Variants in ARHGAP45 observed in about 807,000 individuals in gnomAD.
ARHGAP45 encodes Rho GTPase activating protein 45.
ARHGAP45 carries 56 observed loss-of-function variants against 116.1 expected under a neutral mutation model. The observed-to-expected ratio is 0.48, with a 90% CI of 0.39 to 0.60. ARHGAP45 has a LOEUF of 0.60. ARHGAP45 is among the 20% of genes least tolerant of loss of function. The pLI is 0.00. For synonymous variants in ARHGAP45, 866 were observed against 701.7 expected, an observed-to-expected ratio of 1.23 and a Z score of -3.70; for missense variants, 1,622 against 1,601.0, an observed-to-expected ratio of 1.01 and a Z score of -0.22.
rs772004071 is a variant in ARHGAP45 at position 1,085,852 on chromosome 19, G to GGGACGGGGACGA, written c.3264_3275dup (p.Asp1089_Gly1092dup). 11 of 1,611,976 alleles carry GGGACGGGGACGA rather than the reference G, an allele frequency of 6.8e-6. No individual in the cohort carries two copies. The highest frequency in any genetic ancestry group is 9.3e-6 in the Non-Finnish European group (11 of 1,179,444). On this transcript the variant is annotated inframe_insertion, in exon 23 of 23. Coordinates refer to ENST00000313093, the MANE Select transcript of ARHGAP45 (RefSeq NM_012292.5). Reference sequence around the variant, plus strand: ...CTGGAGGCCACAGCCCGGGAGGACGGGGACGGGGACGAGGACGGCCCGGCC... The same window carrying GGGACGGGGACGA: ...CTGGAGGCCACAGCCCGGGAGGACGGGGACGGGGACGAGGACGGGGACGAGGACGGCCCGGCC...
chr19:1,073,823 G>A, intron 5 of ARHGAP45, 77 bp downstream of exon 5: 1 of 1,535,160 alleles, frequency 6.5e-7, no homozygotes, highest in East Asian at 2.4e-5. Flanking sequence ...GGCCCAGACA[G>A]TCACCCTGCT....
At chr19:1,067,069 C>G (rs867861319), upstream of ARHGAP45, 1 of 694,214 alleles carries the variant, frequency 1.4e-6, no homozygotes, top group Non-Finnish European at 1.8e-6. Flanking sequence ...GGCTCCCGGT[C>G]CCACCCCGCG....
At chr19:1,070,585 G>A (rs1369865843) in intron 2 of ARHGAP45, among the ~76,000 whole-genome samples, 1 of 149,892 alleles carries the variant, frequency 6.7e-6, no homozygotes, top group Non-Finnish European at 1.5e-5. Flanking sequence ...GATCTCAAGT[G>A]ATCCACCCAC....
rs751570740 is a variant in ARHGAP45 at position 1,068,652 on chromosome 19, C to A, written c.329C>A (p.Pro110Gln). The change falls in exon 2 of 23, where the codon CCG (proline) becomes CAG (glutamine). Residue 110 changes from proline (P) to glutamine (Q), a missense_variant. Physicochemically the swap from Pro to Gln is moderately conservative, Grantham distance 76. Around this residue, in one of 3 missense-constraint regions of ARHGAP45, gnomAD observed 279 missense variants for 311.9 expected, o/e 0.89. Transcript: ENST00000313093. This position sits in a 1 kb window ranked among gnomAD's most constrained non-coding sequence, Gnocchi z 7.5. Reference sequence around the variant, plus strand: ...GAGCTGCCCACCGAGGGTGCCGGCCCGGACGTCGTCGAGGACATCTCCCAT... The same window carrying A: ...GAGCTGCCCACCGAGGGTGCCGGCCAGGACGTCGTCGAGGACATCTCCCAT... ...PGELPTEGAG[P>Q]DVVEDISHLL... is the part of the protein sequence containing the mutation. 1 of 1,612,604 alleles carries A rather than the reference C, an allele frequency of 6.2e-7. No individual in the cohort carries two copies. Among genetic ancestry groups the A allele is most frequent in the Admixed American group, 1.7e-5 (1 of 60,020 alleles).
intron 11 of ARHGAP45, 99 bp from the exon 12 acceptor site, chr19:1,079,604 G>T: frequency 6.8e-7 from 1 of 1,472,936 alleles, no homozygotes; most frequent in Non-Finnish European, 9.2e-7. Context: ...CTCCCGAGGC[G>T]CTGGGATGAC....
At chr19:1,073,809 G>A in intron 5 of ARHGAP45, 63 bp downstream of exon 5, 5 of 1,542,142 alleles carry the variant, frequency 3.2e-6, no homozygotes, top group Non-Finnish European at 4.4e-6. Context: ...GTTCAGGTCT[G>A]CAGGGCCCAG....
chr19:1,082,953 C>T lies in ARHGAP45; in HGVS notation c.2631C>T (p.Gly877=). 7 of 1,572,210 alleles carry T rather than the reference C, an allele frequency of 4.5e-6. No individual in the cohort carries two copies. The highest frequency in any genetic ancestry group is 2.3e-5 in the South Asian group (2 of 86,836). The part of the protein sequence containing the change: ...AKAASRGRQD[G]SESEAVAVAL... ...CGGCGTCCCGGGGCCGGCAGGACGG[C>T]TCGGAGAGCGAGGCAGTGGCGGTGG... The change falls in exon 20 of 23, where the codon GGC becomes GGT. Residue 877 remains glycine (G), a synonymous_variant. Coordinates refer to ENST00000313093, the MANE Select transcript of ARHGAP45 (RefSeq NM_012292.5).
Position 1,068,889 on chromosome 19 carries a change from G to A in ARHGAP45, c.421+145G>A. 1.3e-6 allele frequency: 1 copy of A among 768,814 alleles called. No individual in the cohort carries two copies. 47.6% of individuals were successfully genotyped at this position (768,814 alleles called of 1,614,324 possible). On this transcript the variant is annotated intron_variant, in intron 2 of 22. Coordinates refer to ENST00000313093, the MANE Select transcript of ARHGAP45 (RefSeq NM_012292.5). This position sits in a 1 kb window ranked among gnomAD's most constrained non-coding sequence, Gnocchi z 7.5. ...TGTGGAAGAGGCCATGACAGCTAAGGCTCTGAGGGATGTGTAGGAGTTTGG... is the reference window on the plus strand; with the variant it reads ...TGTGGAAGAGGCCATGACAGCTAAGACTCTGAGGGATGTGTAGGAGTTTGG...
chr19:1,081,150 T>C (rs1425819168), intron 17 of ARHGAP45, 86 bp downstream of exon 17: 4 of 1,422,956 alleles, frequency 2.8e-6, no homozygotes, highest in Non-Finnish European at 3.8e-6. Flanking sequence ...CCCTCAGGAA[T>C]GTCCGGCCCA....
At chr19:1,076,929 A>G (rs2043263735) in intron 10 of ARHGAP45, 1 of 635,872 alleles carries the variant, frequency 1.6e-6, no homozygotes, top group Non-Finnish European at 2.0e-6. Flanking sequence ...GGGTCTCACT[A>G]TGTTGACCAG....
At chr19:1,084,767 T>C (rs10406859) in intron 22 of ARHGAP45, among the ~76,000 whole-genome samples, 19,752 of 152,190 alleles carry the variant, frequency 0.13, 1,542 homozygotes, top group African/African-American at 0.22. Flanking sequence ...GACACCTGTG[T>C]TGTCTGTCTT....
chr19:1,084,486 C>A, intron 22 of ARHGAP45, 140 bp downstream of exon 22: 1 of 633,708 alleles, frequency 1.6e-6, no homozygotes. Flanking sequence ...CCACGGAGAC[C>A]ACACCTATGA....
rs903591255 is a variant in ARHGAP45 at position 1,079,699 on chromosome 19, G to T, written c.1375-4G>T. 2 of 1,612,246 alleles carry T rather than the reference G, an allele frequency of 1.2e-6. No homozygotes were observed. The highest frequency in any genetic ancestry group is 4.5e-5 in the East Asian group (2 of 44,852). On this transcript the variant is annotated splice_polypyrimidine_tract_variant and splice_region_variant and intron_variant, in intron 11 of 22. Transcript: ENST00000313093. ...TCTCTCTGTGCGCCCCGCCCCCACC[G>T]CAGGCGGAGGAAGCTATGGCCACCT... is the stretch of plus-strand genomic sequence containing the variant.
In ARHGAP45 at chr19:1,067,312, C is replaced by T; in HGVS notation, c.-94C>T. On this transcript the variant is annotated 5_prime_UTR_variant, in exon 1 of 23. Coordinates refer to ENST00000313093, the MANE Select transcript of ARHGAP45 (RefSeq NM_012292.5). ...GGCCTGACAGCTGGGGAGGGGGTGG[C>T]CGGCGACAATGTGGTCCCGAAGCGG... 2 of 1,429,098 alleles carry T rather than the reference C, an allele frequency of 1.4e-6. No individual in the cohort carries two copies. The highest frequency in any genetic ancestry group is 2.8e-5 in the East Asian group (1 of 35,764). The allele number at this position is 1,429,098 out of a possible 1,614,324, so 88.5% of individuals were successfully genotyped here. A position where few individuals can be genotyped will look rare whatever the true frequency, so the allele number is the denominator to read the frequency against.
At chr19:1,066,556 A>C (rs1016126210), upstream of ARHGAP45, 1 of 197,544 alleles carries the variant, frequency 5.1e-6, no homozygotes, top group Non-Finnish European at 1.1e-5. Flanking sequence ...TCCACACCAC[A>C]CTTTGGGGAC....
intron 22 of ARHGAP45, among the ~76,000 whole-genome samples, chr19:1,085,252 T>C (rs930356242): frequency 6.6e-6 from 1 of 152,026 alleles, no homozygotes; most frequent in African/African-American, 2.4e-5. Flanking sequence ...GAAACTCCAG[T>C]TTTTAGACCA....
intron 2 of ARHGAP45, among the ~76,000 whole-genome samples, chr19:1,070,955 G>C (rs1240642379): frequency 6.6e-6 from 1 of 152,198 alleles, no homozygotes. Context: ...ATGCAGCGAT[G>C]GTTGTGGGGT....
chr19:1,074,555 T>C (rs2043200955), intron 8 of ARHGAP45, 59 bp from the exon 9 acceptor site: 1 of 1,446,266 alleles, frequency 6.9e-7, no homozygotes, highest in South Asian at 1.3e-5. Context: ...TGGCTGGGGG[T>C]GCTGGGGCCG....
At position 1,074,109 on chromosome 19, in the gene ARHGAP45, C is replaced by T; in HGVS notation, c.796C>T (p.Leu266=). ...PSLEDCDAGC[L]PAEEVDVLLQ... ...CAGGCCCCCGTTCCCTGCAGGCTGC[C>T]TGCCCGCCGAGGAGGTGGACGTGCT... The change falls in exon 7 of 23, where the codon CTG becomes TTG. Residue 266 remains leucine, a synonymous_variant. Coordinates refer to ENST00000313093, the MANE Select transcript of ARHGAP45 (RefSeq NM_012292.5). 1 of 1,611,936 alleles carries T rather than the reference C, an allele frequency of 6.2e-7. No individual in the cohort carries two copies.
Sources: gnomAD v4.1 joint callset for allele counts (sites outside exome capture counted in the v4.1 genomes callset) on GRCh38, gnomAD v4.1.1 for gene constraint, gnomAD v4.1.1 regional missense constraint, Gnocchi (gnomAD v3.1) non-coding constraint, MANE v1.5 for transcripts, NCBI Gene and HGNC (gene_info 2026-07-23, HGNC 2026-07-21) for gene names.